The following CAB39 variants were observed in gnomAD, a reference collection of about 807,000 sequenced individuals.
CAB39 encodes the protein calcium-binding protein 39.
Under a neutral mutation model 40.0 loss-of-function variants are expected in CAB39, and 8 were observed. The observed-to-expected ratio is 0.20, with a 90% CI of 0.12 to 0.36. The LOEUF (loss-of-function observed/expected upper bound fraction) is 0.36. Ranked by LOEUF, CAB39 falls within the 10% of genes least tolerant of loss-of-function variation. The probability of loss-of-function intolerance (pLI) is 1.00; values close to 1 mark genes in which losing one functional copy is unlikely to be tolerated. For missense variants in CAB39, 270 were observed against 401.1 expected (o/e 0.67, Z 2.79); for synonymous variants, 156 against 141.6 (o/e 1.10, Z -0.72).
chr2:230,815,762 T>C (rs1696389118), intron 7 of CAB39, among the ~76,000 whole-genome samples: 1 of 152,186 alleles, frequency 6.6e-6, no homozygotes, highest in Admixed American at 6.5e-5. Context: ...TAGGAATGGA[T>C]ATAAAGCAAG....
chr2:230,714,962 T>C (rs1694323095), intron 1 of CAB39, among the ~76,000 whole-genome samples: 1 of 152,230 alleles, frequency 6.6e-6, no homozygotes, highest in Non-Finnish European at 1.5e-5. Flanking sequence ...TAATACATGA[T>C]CTTTGTCAAA....
chr2:230,749,748 CTA>C (rs1695053821), intron 1 of CAB39, among the ~76,000 whole-genome samples: 1 of 152,170 alleles, frequency 6.6e-6, no homozygotes, highest in African/African-American at 2.4e-5. Flanking sequence ...TATTAAATAA[CTA>C]TTCAGTGGCC....
intron 1 of CAB39, among the ~76,000 whole-genome samples, chr2:230,734,499 G>A (rs1694749674): frequency 6.6e-6 from 1 of 152,188 alleles, no homozygotes; most frequent in Non-Finnish European, 1.5e-5. Context: ...TGAGTGGTAT[G>A]TGTGAGTGGG....
intron 2 of CAB39, among the ~76,000 whole-genome samples, chr2:230,780,909 C>G (rs1164102651): frequency 6.6e-6 from 1 of 151,984 alleles, no homozygotes; most frequent in African/African-American, 2.4e-5. Context: ...TAATGAGACC[C>G]CATTGCTACA....
chr2:230,720,999 A>G (rs1694442263), intron 1 of CAB39, among the ~76,000 whole-genome samples: 1 of 152,138 alleles, frequency 6.6e-6, no homozygotes, highest in Non-Finnish European at 1.5e-5. Context: ...TCTAGATTGT[A>G]ATTTATTTGG....
At chr2:230,797,462 TG>T (rs954452846) in intron 4 of CAB39, among the ~76,000 whole-genome samples, 6 of 150,820 alleles carry the variant, frequency 4.0e-5, no homozygotes, top group African/African-American at 1.5e-4. Flanking sequence ...CTGTTAGACC[TG>T]GTTTAGAACT....
chr2:230,760,667 C>G (rs973938702), intron 2 of CAB39, among the ~76,000 whole-genome samples: 1 of 152,208 alleles, frequency 6.6e-6, no homozygotes, highest in Admixed American at 6.5e-5. Flanking sequence ...GAGGACACCC[C>G]TCCTGGTTTT....
chr2:230,813,885 A>C (rs899688051), intron 6 of CAB39, 164 bp from the exon 7 acceptor site: 1 of 533,684 alleles, frequency 1.9e-6, no homozygotes. Context: ...AGAGGAAGAC[A>C]TGAAAGAGAG....
rs922995867 is a variant in CAB39, at chr2:230,792,645, A to T, written c.280-568A>T. Among the ~76,000 whole-genome samples, 5 of 152,218 alleles carry T rather than the reference A, an allele frequency of 3.3e-5. No homozygotes were observed. The East Asian group carries it at 9.6e-4, about 29-fold the overall frequency. On this transcript the variant is annotated intron_variant, in intron 3 of 8. Coordinates refer to ENST00000258418, the MANE Select transcript of CAB39 (RefSeq NM_016289.4). ...GATCTCTGAACTACTGTATCATGTG[A>T]TACTTAGTACCTTCATTATTAATCT...
chr2:230,798,953 T>A, intron 5 of CAB39, 56 bp downstream of exon 5: 3 of 1,385,888 alleles, frequency 2.2e-6, no homozygotes, highest in Non-Finnish European at 3.0e-6. Context: ...GTGCTGTTTT[T>A]CTAAACCTTC....
intron 5 of CAB39, among the ~76,000 whole-genome samples, chr2:230,801,957 A>G (rs557000691): frequency 6.6e-6 from 1 of 152,266 alleles, no homozygotes; most frequent in Non-Finnish European, 1.5e-5. Context: ...AAATATTTGT[A>G]AATTTTTTTT....
At chr2:230,739,815 A>T (rs781265430) in intron 1 of CAB39, among the ~76,000 whole-genome samples, 1 of 152,230 alleles carries the variant, frequency 6.6e-6, no homozygotes, top group South Asian at 2.1e-4. Flanking sequence ...GTCTTAAATC[A>T]TGATAAAGTC....
chr2:230,722,513 G>C (rs1694472514), intron 1 of CAB39, among the ~76,000 whole-genome samples: 1 of 152,154 alleles, frequency 6.6e-6, no homozygotes, highest in South Asian at 2.1e-4. Context: ...AGATGGGAGG[G>C]ACTCTGGCCA....
chr2:230,752,182 C>T (rs182012726), intron 1 of CAB39: 1 of 150,746 alleles, frequency 6.6e-6, no homozygotes, highest in East Asian at 1.9e-4. Flanking sequence ...TGGAATGATA[C>T]AGAGAAGATA....
intron 7 of CAB39, among the ~76,000 whole-genome samples, chr2:230,816,821 A>G (rs1478231283): frequency 6.6e-6 from 1 of 152,192 alleles, no homozygotes; most frequent in East Asian, 1.9e-4. Context: ...GGAGTTCAGT[A>G]ACGTGCTCAA....
At chr2:230,778,875 A>G (rs184893588) in intron 2 of CAB39, 7 of 152,306 alleles carry the variant, frequency 4.6e-5, no homozygotes, top group African/African-American at 1.2e-4. Context: ...ATCTAAACAT[A>G]GAAAAGGTAC....
intron 2 of CAB39, among the ~76,000 whole-genome samples, chr2:230,768,656 A>G (rs553186331): frequency 6.6e-6 from 1 of 152,336 alleles, no homozygotes; most frequent in South Asian, 2.1e-4. Context: ...TAAATTAGGC[A>G]CCAAAAACGG....
intron 1 of CAB39, among the ~76,000 whole-genome samples, chr2:230,743,017 C>T (rs536725327): frequency 2.0e-5 from 3 of 152,300 alleles, no homozygotes; most frequent in African/African-American, 7.2e-5. Context: ...CATAACTGCA[C>T]AGAACATCGT....
intron 1 of CAB39, among the ~76,000 whole-genome samples, chr2:230,742,410 C>T (rs1021418364): frequency 2.6e-5 from 4 of 152,106 alleles, no homozygotes; most frequent in Admixed American, 2.0e-4. Flanking sequence ...CTCCTGACCT[C>T]GTGATTCGCC....
Sources: gnomAD v4.1 joint callset for allele counts (sites outside exome capture counted in the v4.1 genomes callset) on GRCh38, gnomAD v4.1.1 for gene constraint, MANE v1.5 for transcripts, NCBI Gene and HGNC (gene_info 2026-07-23, HGNC 2026-07-21) for gene names.